The following GNG10 variants were observed in gnomAD, a reference collection of about 807,000 sequenced individuals.
The protein encoded by GNG10 is guanine nucleotide-binding protein G(I)/G(S)/G(O) subunit gamma-10.
GNG10 carries 7 observed loss-of-function variants against 6.8 expected under a neutral mutation model. The ratio of observed to expected loss-of-function variants is 1.02; its 90% CI spans 0.58 to 1.92. The LOEUF (loss-of-function observed/expected upper bound fraction) is 1.92, where lower values mean the gene tolerates loss of function less well. GNG10 is among the 30% of genes most tolerant of loss of function. The pLI is 0.00. For missense variants in GNG10, 57 were observed against 86.1 expected, an observed-to-expected ratio of 0.66 and a Z score of 1.34; for synonymous variants, 28 against 34.8, an observed-to-expected ratio of 0.80 and a Z score of 0.69.
At chr9:111,662,519 C>G (rs905051701) in intron 1 of GNG10, among the ~76,000 whole-genome samples, 1 of 152,180 alleles carries the variant, frequency 6.6e-6, no homozygotes, top group Non-Finnish European at 1.5e-5. Context: ...GTCAACATGT[C>G]CAGCGTTTAG....
intron 1 of GNG10, among the ~76,000 whole-genome samples, chr9:111,666,256 G>A (rs1830896463): frequency 6.6e-6 from 1 of 152,172 alleles, no homozygotes; most frequent in Non-Finnish European, 1.5e-5. Flanking sequence ...CAGCTACTGA[G>A]ACGTTGAGTA....
rs1474729722 is a variant in GNG10 at position 111,666,847 on chromosome 9, C to G, written c.114C>G (p.Tyr38Ter). The G allele has an allele frequency of 6.2e-7, 1 of 1,613,574 alleles. No homozygotes were observed. Among genetic ancestry groups the G allele is most frequent in the South Asian group, 1.1e-5 (1 of 91,044 alleles). The change falls in exon 2 of 3, where the codon TAC (tyrosine) becomes TAG (stop). Residue 38 changes from tyrosine to a stop codon, truncating the protein, a stop_gained. Transcript: ENST00000374293. LOFTEE classifies it high-confidence loss of function. ...VSQAAAELQQ[Y>*]CMQNACKDAL... The stretch of plus-strand genomic sequence containing the variant: ...AGGCAGCTGCAGAGCTTCAACAGTA[C>G]TGTATGCAGAATGCCTGCAAGGATG...
chr9:111,668,268 C>CCGGA (rs1830937781), intron 2 of GNG10, among the ~76,000 whole-genome samples: 1 of 152,056 alleles, frequency 6.6e-6, no homozygotes, highest in African/African-American at 2.4e-5. Context: ...TATCTTAGGT[C>CCGGA]CTTCTTCACA....
intron 2 of GNG10, among the ~76,000 whole-genome samples, chr9:111,668,669 G>C (rs1330080325): frequency 2.0e-5 from 3 of 151,766 alleles, no homozygotes; most frequent in Admixed American, 6.6e-5. Flanking sequence ...ATGTTTAGGA[G>C]AGATGAGGTT....
chr9:111,662,682 G>A (rs1322470894), intron 1 of GNG10, among the ~76,000 whole-genome samples: 2 of 152,206 alleles, frequency 1.3e-5, no homozygotes, highest in Non-Finnish European at 2.9e-5. Context: ...AGGGAATAGG[G>A]TGGTTCTGGA....
At chr9:111,664,873 T>C (rs1293553412) in intron 1 of GNG10, among the ~76,000 whole-genome samples, 1 of 152,208 alleles carries the variant, frequency 6.6e-6, no homozygotes, top group Non-Finnish European at 1.5e-5. Flanking sequence ...CTGAGCATAA[T>C]TGATTCTCGA....
rs200176290 is a variant in GNG10, at chr9:111,663,024, CG to C, written c.81+1316del. On this transcript the variant is annotated intron_variant, in intron 1 of 2. Transcript: ENST00000374293. ...ATTGCTGGTAGAGGAGACAGGGCTA[CG>C]GGGGGGTGGGGGATTGGTGGCACAG... is the stretch of plus-strand genomic sequence containing the variant. 6.2e-3 allele frequency among the ~76,000 whole-genome samples: 920 copies of C among 148,886 alleles called. 9 individuals are homozygous for C. The highest frequency in any genetic ancestry group is 0.022 in the African/African-American group (870 of 40,224).
chr9:111,663,736 G>T (rs1830858415), intron 1 of GNG10, among the ~76,000 whole-genome samples: 1 of 152,102 alleles, frequency 6.6e-6, no homozygotes, highest in African/African-American at 2.4e-5. Context: ...CAAAGACAAT[G>T]TGGGGACATG....
chr9:111,667,639 C>T (rs2131282673), intron 2 of GNG10, among the ~76,000 whole-genome samples: 2 of 152,186 alleles, frequency 1.3e-5, no homozygotes, highest in South Asian at 4.2e-4. Context: ...ATAAGGACTC[C>T]CCAGAGTGGG....
At chr9:111,663,943 C>A (rs1830862060) in intron 1 of GNG10, among the ~76,000 whole-genome samples, 1 of 151,772 alleles carries the variant, frequency 6.6e-6, no homozygotes, top group Non-Finnish European at 1.5e-5. Context: ...GCCTCAGCCT[C>A]CCGAGTAGCT....
intron 1 of GNG10, among the ~76,000 whole-genome samples, chr9:111,662,158 T>A (rs1830831593): frequency 6.6e-6 from 1 of 151,996 alleles, no homozygotes; most frequent in Admixed American, 6.6e-5. Context: ...TGGACGGCGC[T>A]GCCACCCGCC....
rs528107011 is a variant in GNG10 at position 111,661,610 on chromosome 9, C to T, written c.-25C>T. 8.6e-6 allele frequency: 11 copies of T among 1,272,582 alleles called. No individual in the cohort carries two copies. Among genetic ancestry groups the T allele is most frequent in the Middle Eastern group, 3.1e-4 (1 of 3,214 alleles). 78.8% of individuals were successfully genotyped at this position (1,272,582 alleles called of 1,614,324 possible). A position where few individuals can be genotyped will look rare whatever the true frequency, so the allele number is the denominator to read the frequency against. ...CTCCCCGCCCGGCCGGGCCCAGCAG[C>T]CCCTAGGAGCCCAGCGCCGCCGCCA... On this transcript the variant is annotated 5_prime_UTR_variant, in exon 1 of 3. Transcript: ENST00000374293. This position sits in a 1 kb window ranked among gnomAD's most constrained non-coding sequence, Gnocchi z 6.1.
Position 111,666,784 on chromosome 9 carries a change from A to C in GNG10, c.82-31A>C, listed in dbSNP as rs774545037. 9.3e-6 allele frequency: 15 copies of C among 1,606,402 alleles called. No individual in the cohort carries two copies. In the South Asian group the frequency reaches 1.5e-4, roughly 17 times the overall value. ...ACTGCCGGGTGGCTTGGCTGTGAGC[A>C]GGGTGCCATGTTGCTGTCCCTTTGT... On this transcript the variant is annotated intron_variant, in intron 1 of 2. Coordinates refer to ENST00000374293, the MANE Select transcript of GNG10 (RefSeq NM_001017998.4).
chr9:111,667,140 A>C (rs1007742933), intron 2 of GNG10, among the ~76,000 whole-genome samples, 194 bp downstream of exon 2: 22 of 152,234 alleles, frequency 1.4e-4, no homozygotes, highest in African/African-American at 5.3e-4. Flanking sequence ...TCTAATCAGG[A>C]CAGTCTGAAG....
chr9:111,665,469 T>C (rs1464895343), intron 1 of GNG10, among the ~76,000 whole-genome samples: 2 of 152,184 alleles, frequency 1.3e-5, no homozygotes, highest in Admixed American at 6.5e-5. Context: ...GATAGAGTGT[T>C]AACTGGTGTT....
At chr9:111,663,811 G>A (rs1279882500) in intron 1 of GNG10, among the ~76,000 whole-genome samples, 1 of 133,450 alleles carries the variant, frequency 7.5e-6, no homozygotes, top group African/African-American at 3.1e-5. Context: ...TAAGAAAGAG[G>A]AAAGATATTC....
intron 1 of GNG10, among the ~76,000 whole-genome samples, chr9:111,662,644 T>A (rs3824465): frequency 4.0e-5 from 6 of 151,504 alleles, no homozygotes; most frequent in Non-Finnish European, 7.4e-5. Flanking sequence ...CCTCAGTTTC[T>A]CCTTTGCTGT....
intron 2 of GNG10, among the ~76,000 whole-genome samples, chr9:111,668,428 TCCCTCCCCTC>T (rs35251271): frequency 5.9e-5 from 7 of 119,544 alleles, no homozygotes; most frequent in African/African-American, 1.1e-4. Flanking sequence ...GCTTCCTTCT[TCCCTCCCCTC>T]CCCTCCCCTC....
rs1386994455 is a variant in GNG10 at position 111,669,428 on chromosome 9, T to C, written c.*166T>C. The stretch of plus-strand genomic sequence containing the variant: ...ATCACAGATATTCATGAGTTTCTAC[T>C]TGAGTGAGAAAACTGGGTGAAGGAA... On this transcript the variant is annotated 3_prime_UTR_variant, in exon 3 of 3. Transcript: ENST00000374293. 1 of 151,972 alleles carries C rather than the reference T, an allele frequency of 6.6e-6. No individual in the cohort carries two copies. The highest frequency in any genetic ancestry group is 1.5e-5 in the Non-Finnish European group (1 of 68,022). The allele number at this position is 151,972 out of a possible 1,614,324, so 9.4% of individuals were successfully genotyped here. A position where few individuals can be genotyped will look rare whatever the true frequency, so the allele number is the denominator to read the frequency against.
Sources: gnomAD v4.1 joint callset for allele counts (sites outside exome capture counted in the v4.1 genomes callset) on GRCh38, gnomAD v4.1.1 for gene constraint, Gnocchi (gnomAD v3.1) non-coding constraint, MANE v1.5 for transcripts, NCBI Gene and HGNC (gene_info 2026-07-23, HGNC 2026-07-21) for gene names.